TLE1: variants seen among roughly 807,000 people sequenced by gnomAD.
TLE1 encodes the protein TLE family member 1, transcriptional corepressor.
Under a neutral mutation model 89.8 loss-of-function variants are expected in TLE1, and 21 were observed. The ratio of observed to expected loss-of-function variants is 0.23; its 90% CI spans 0.17 to 0.34. TLE1 has a LOEUF of 0.34. TLE1 is among the 10% of genes least tolerant of loss of function. The probability of loss-of-function intolerance (pLI) is 1.00; values close to 1 mark genes in which losing one functional copy is unlikely to be tolerated. For missense variants in TLE1, 795 were observed against 1,031.2 expected, an observed-to-expected ratio of 0.77 and a Z score of 3.14; for synonymous variants, 447 against 407.6, an observed-to-expected ratio of 1.10 and a Z score of -1.16.
intron 11 of TLE1, among the ~76,000 whole-genome samples, chr9:81,614,197 C>T (rs552946804): frequency 6.6e-6 from 1 of 152,026 alleles, no homozygotes; most frequent in Non-Finnish European, 1.5e-5. Context: ...CCTGAGCCAC[C>T]GCGCCAGGCC....
intron 4 of TLE1, among the ~76,000 whole-genome samples, chr9:81,661,539 A>T (rs187790032): frequency 6.6e-6 from 1 of 152,300 alleles, no homozygotes; most frequent in Non-Finnish European, 1.5e-5. Context: ...ATCATAAAAA[A>T]ATGGTGCTTA....
chr9:81,610,801 C>T (rs1326059764), intron 13 of TLE1, among the ~76,000 whole-genome samples: 4 of 123,450 alleles, frequency 3.2e-5, no homozygotes, highest in Non-Finnish European at 6.4e-5. Flanking sequence ...TATCAAATGT[C>T]CTCAAGGGAC....
Position 81,634,082 on chromosome 9 carries a change from T to C in TLE1, c.577+15A>G. The C allele has an allele frequency of 6.3e-7, 1 of 1,599,244 alleles. No individual in the cohort carries two copies. Among genetic ancestry groups the C allele is most frequent in the South Asian group, 1.1e-5 (1 of 87,796 alleles). ...ATGAGGACAAAGTCCTAATCTGGCTTGCCCGGCCTCTCACCTCTGTGGTGC... is the reference window on the plus strand; with the variant it reads ...ATGAGGACAAAGTCCTAATCTGGCTCGCCCGGCCTCTCACCTCTGTGGTGC... On this transcript the variant is annotated intron_variant, in intron 7 of 19. Coordinates refer to ENST00000376499, the MANE Select transcript of TLE1 (RefSeq NM_005077.5).
intron 11 of TLE1, among the ~76,000 whole-genome samples, chr9:81,613,906 C>CTTTTTTTTTTTT (rs761514885): frequency 3.3e-5 from 3 of 89,928 alleles, no homozygotes; most frequent in Non-Finnish European, 5.5e-5. Flanking sequence ...CTTTTCTTTT[C>CTTTTTTTTTTTT]TTTTTTTTTT....
At chr9:81,614,001 G>A (rs910775300) in intron 11 of TLE1, among the ~76,000 whole-genome samples, 8 of 146,332 alleles carry the variant, frequency 5.5e-5, no homozygotes, top group South Asian at 2.2e-4. Context: ...TCCGCCTCCC[G>A]GGTTCACGCC....
chr9:81,621,105 G>T (rs1046572650), intron 8 of TLE1, among the ~76,000 whole-genome samples: 2 of 152,126 alleles, frequency 1.3e-5, no homozygotes, highest in African/African-American at 4.8e-5. Context: ...ATAAGACTTG[G>T]TGTTCCTCGC....
chr9:81,652,646 A>G (rs1211933475), intron 5 of TLE1, among the ~76,000 whole-genome samples: 1 of 152,196 alleles, frequency 6.6e-6, no homozygotes, highest in Non-Finnish European at 1.5e-5. Flanking sequence ...GTTTACAGCA[A>G]TTTTAAAATA....
intron 14 of TLE1, among the ~76,000 whole-genome samples, chr9:81,597,771 G>T (rs897505793): frequency 6.6e-6 from 1 of 152,116 alleles, no homozygotes; most frequent in Non-Finnish European, 1.5e-5. Flanking sequence ...TAAGAGCAAG[G>T]GGCTTTTCAT....
chr9:81,593,041 G>C lies in TLE1; in HGVS notation c.1565C>G (p.Ser522Cys), dbSNP rs1458013742. 1 of 1,613,218 alleles carries C rather than the reference G, an allele frequency of 6.2e-7. No homozygotes were observed. The highest frequency in any genetic ancestry group is 1.7e-5 in the Admixed American group (1 of 60,000). ...ISHPGNKSPV[S>C]QLDCLNRDNY... ...TTCACTCACCAGACAGTCGAGCTGG[G>C]AGACAGGGCTCTTATTGCCAGGGTG... Residue 522 changes from serine (S) to cysteine (C), a missense_variant, in exon 15 of 20, where the codon TCC becomes TGC. Ser to Cys is a moderately radical substitution (Grantham distance 112, BLOSUM62 -1). Coordinates refer to ENST00000376499, the MANE Select transcript of TLE1 (RefSeq NM_005077.5).
chr9:81,616,171 T>C (rs1441767677), intron 10 of TLE1, 37 bp from the exon 11 acceptor site: 1 of 1,577,636 alleles, frequency 6.3e-7, no homozygotes, highest in East Asian at 2.2e-5. Flanking sequence ...GTGATTTAGC[T>C]TGTAACAGAC....
chr9:81,650,960 TGAAAG>T (rs1829459067), intron 6 of TLE1, among the ~76,000 whole-genome samples: 1 of 152,154 alleles, frequency 6.6e-6, no homozygotes. Context: ...GAGAAACTGA[TGAAAG>T]GAGAGTTTTC....
chr9:81,629,404 A>C (rs1212520664), intron 8 of TLE1, among the ~76,000 whole-genome samples: 1 of 152,168 alleles, frequency 6.6e-6, no homozygotes, highest in African/African-American at 2.4e-5. Context: ...CAAGAGCTGC[A>C]CTTATATAAG....
chr9:81,635,292 G>C (rs1308134387), intron 6 of TLE1, among the ~76,000 whole-genome samples: 1 of 152,166 alleles, frequency 6.6e-6, no homozygotes, highest in Non-Finnish European at 1.5e-5. Context: ...AGAATGGGTA[G>C]GACCGTGGAT....
chr9:81,636,925 C>T (rs767150131), intron 6 of TLE1, among the ~76,000 whole-genome samples: 21 of 151,536 alleles, frequency 1.4e-4, no homozygotes, highest in Non-Finnish European at 2.8e-4. Flanking sequence ...ATCATTTGAA[C>T]CCGAGTGGCA....
At chr9:81,681,746 T>C (rs7044216) in intron 4 of TLE1, among the ~76,000 whole-genome samples, 28,736 of 151,948 alleles carry the variant, frequency 0.19, 2,760 homozygotes, top group African/African-American at 0.21. Context: ...AGTAGTTTTA[T>C]CTACCCATGG....
intron 14 of TLE1, among the ~76,000 whole-genome samples, chr9:81,596,344 G>A (rs913130590): frequency 6.6e-6 from 1 of 152,164 alleles, no homozygotes; most frequent in East Asian, 1.9e-4. Context: ...GGCCTCGCAG[G>A]AAGCTGGTGC....
intron 13 of TLE1, 69 bp from the exon 14 acceptor site, chr9:81,610,365 T>C: frequency 2.6e-6 from 3 of 1,167,322 alleles, no homozygotes. Flanking sequence ...ATCAATACTG[T>C]TCATTAGAAA....
In TLE1 at chr9:81,668,659, CAG is replaced by C. The variant is rs371602270; in HGVS notation, c.235-14625_235-14624del. On this transcript the variant is annotated intron_variant, in intron 4 of 19. Coordinates refer to ENST00000376499, the MANE Select transcript of TLE1 (RefSeq NM_005077.5). ...AGTGTCGTATGGGACAGAATCTATT[CAG>C]AGTTACAGGGACTGACCAAAAATAC... is the stretch of plus-strand genomic sequence containing the variant. Among the ~76,000 whole-genome samples the C allele has an allele frequency of 9.2e-5, 14 of 152,122 alleles. No homozygotes were observed. The East Asian group carries it at 1.2e-3, about 13-fold the overall frequency.
At position 81,689,210 on chromosome 9, in the gene TLE1, A is replaced by G. The variant is rs2133228550; in HGVS notation, c.-970T>C. ...GCAAAGGGCGCTCCAGCCCACTGCAAAGTTCTCTCACCACCCGAGGGACGA... is the reference window on the plus strand; with the variant it reads ...GCAAAGGGCGCTCCAGCCCACTGCAGAGTTCTCTCACCACCCGAGGGACGA... On this transcript the variant is annotated 5_prime_UTR_variant, in exon 1 of 20. Coordinates refer to ENST00000376499, the MANE Select transcript of TLE1 (RefSeq NM_005077.5). The G allele has an allele frequency of 6.6e-6, 1 of 152,354 alleles. No individual in the cohort carries two copies. The highest frequency in any genetic ancestry group is 1.9e-4 in the East Asian group (1 of 5,162). 9.4% of individuals were successfully genotyped at this position (152,354 alleles called of 1,614,324 possible). A position where few individuals can be genotyped will look rare whatever the true frequency, so the allele number is the denominator to read the frequency against.
Sources: allele counts gnomAD v4.1 joint callset (sites outside exome capture counted in the v4.1 genomes callset), GRCh38; gene constraint gnomAD v4.1.1; transcripts MANE v1.5; gene names NCBI Gene and HGNC (gene_info 2026-07-23, HGNC 2026-07-21).